The following SLC35F4 variants were observed in gnomAD, a reference collection of about 807,000 sequenced individuals.
SLC35F4 encodes the protein chromosome 14 open reading frame 36.
Under a neutral mutation model 44.2 loss-of-function variants are expected in SLC35F4, and 24 were observed. That is an observed-to-expected ratio of 0.54 (90% CI 0.39 to 0.76). The LOEUF (loss-of-function observed/expected upper bound fraction) is 0.76. SLC35F4 is among the 30% of genes least tolerant of loss of function. SLC35F4 has a pLI of 0.00. For missense variants in SLC35F4, 562 were observed against 586.1 expected, an observed-to-expected ratio of 0.96 and a Z score of 0.42; for synonymous variants, 238 against 223.6, an observed-to-expected ratio of 1.06 and a Z score of -0.57.
intron 1 of SLC35F4, among the ~76,000 whole-genome samples, chr14:57,856,421 G>A (rs893537663): frequency 6.6e-6 from 1 of 152,014 alleles, no homozygotes; most frequent in Non-Finnish European, 1.5e-5. Context: ...CACAAACCAG[G>A]TCTTAGATAG....
At chr14:57,628,138 G>C (rs2072566213) in intron 1 of SLC35F4, among the ~76,000 whole-genome samples, 1 of 151,778 alleles carries the variant, frequency 6.6e-6, no homozygotes, top group Non-Finnish European at 1.5e-5. Context: ...GAAGTCCCCA[G>C]ATGTCCCTGG....
intron 1 of SLC35F4, among the ~76,000 whole-genome samples, chr14:57,755,503 G>C (rs1356160269): frequency 6.6e-6 from 1 of 152,110 alleles, no homozygotes; most frequent in Non-Finnish European, 1.5e-5. Flanking sequence ...GAGGAAGACT[G>C]GGTTGATCAT....
At chr14:57,612,198 C>A (rs1446575691) in intron 1 of SLC35F4, among the ~76,000 whole-genome samples, 1 of 152,060 alleles carries the variant, frequency 6.6e-6, no homozygotes, top group East Asian at 1.9e-4. Context: ...CTGCAGTAAG[C>A]TATGATTGTG....
At chr14:57,922,646 G>A (rs1040672655) in intron 1 of SLC35F4, among the ~76,000 whole-genome samples, 5 of 152,162 alleles carry the variant, frequency 3.3e-5, no homozygotes, top group African/African-American at 4.8e-5. Flanking sequence ...ATAGATGACA[G>A]CACAGTGAAA....
intron 1 of SLC35F4, among the ~76,000 whole-genome samples, chr14:57,925,762 T>TCC (rs1889557753): frequency 6.6e-6 from 1 of 151,886 alleles, no homozygotes; most frequent in Non-Finnish European, 1.5e-5. Context: ...AACACTTACA[T>TCC]CCAAATTTAA....
At chr14:57,668,617 G>A (rs531364855) in intron 1 of SLC35F4, among the ~76,000 whole-genome samples, 1 of 152,078 alleles carries the variant, frequency 6.6e-6, no homozygotes, top group South Asian at 2.1e-4. Context: ...TTTTTGTCAG[G>A]GTTGTCAAAG....
downstream of SLC35F4, among the ~76,000 whole-genome samples, chr14:57,974,637 T>C (rs114376553): frequency 6.2e-3 from 950 of 152,266 alleles, 14 homozygotes; most frequent in African/African-American, 0.022. Context: ...TTACAGGACT[T>C]ATCCTCTGGG....
At chr14:57,962,679 C>T (rs886292668) in intron 1 of SLC35F4, among the ~76,000 whole-genome samples, 2 of 152,160 alleles carry the variant, frequency 1.3e-5, no homozygotes, top group East Asian at 1.9e-4. Flanking sequence ...ATCGCTTGGC[C>T]GTGCTTCTTT....
rs546348655 is a variant in SLC35F4 at position 57,814,633 on chromosome 14, CT to C, written c.103+51089del. Among the ~76,000 whole-genome samples the C allele has an allele frequency of 2.5e-3, 379 of 152,306 alleles. 3 individuals carry two copies. Among genetic ancestry groups the C allele is most frequent in the African/African-American group, 8.4e-3 (351 of 41,564 alleles). On this transcript the variant is annotated intron_variant, in intron 1 of 7. Transcript: ENST00000556826. ...ATGTGATTTGATGAAATAATAGTTG[CT>C]GCCATGACCCAAGAAAGAAAAGTTG...
In SLC35F4 at chr14:57,650,416, A is replaced by C. The variant is rs925372024; in HGVS notation, c.104-56292T>G. Among the ~76,000 whole-genome samples, 8 of 152,248 alleles carry C rather than the reference A, an allele frequency of 5.3e-5. No homozygotes were observed. In the East Asian group the frequency reaches 1.5e-3, roughly 29 times the overall value. On this transcript the variant is annotated intron_variant, in intron 1 of 7. Transcript: ENST00000556826. ...ATCTCAACAAATAGCATCACCATCCAACCAGTTAGTATTCTTCTCCCACAC... is the reference window on the plus strand; with the variant it reads ...ATCTCAACAAATAGCATCACCATCCCACCAGTTAGTATTCTTCTCCCACAC...
At chr14:57,758,965 T>C (rs936589683) in intron 1 of SLC35F4, among the ~76,000 whole-genome samples, 5 of 152,196 alleles carry the variant, frequency 3.3e-5, no homozygotes, top group East Asian at 3.9e-4. Context: ...AAACACCTCA[T>C]ATAAGTGGAA....
intron 1 of SLC35F4, among the ~76,000 whole-genome samples, chr14:57,822,862 C>A (rs1018705640): frequency 1.3e-5 from 2 of 152,098 alleles, no homozygotes; most frequent in African/African-American, 4.8e-5. Flanking sequence ...GGCTGGGGTG[C>A]CATGGGTGCT....
At chr14:57,659,792 G>A (rs143934890) in intron 1 of SLC35F4, among the ~76,000 whole-genome samples, 3 of 152,110 alleles carry the variant, frequency 2.0e-5, no homozygotes, top group African/African-American at 7.2e-5. Flanking sequence ...TAGTGTCTTA[G>A]CTTAATAAAC....
intron 1 of SLC35F4, among the ~76,000 whole-genome samples, chr14:57,673,660 T>A (rs2074593950): frequency 6.6e-6 from 1 of 151,570 alleles, no homozygotes; most frequent in African/African-American, 2.4e-5. Context: ...TGTGGCAGGG[T>A]CAAGAGGGAT....
rs1480265673 is a variant in SLC35F4 at position 57,569,990 on chromosome 14, G to A, written c.934-10C>T. On this transcript the variant is annotated splice_polypyrimidine_tract_variant and intron_variant, in intron 5 of 7. Coordinates refer to ENST00000556826, the MANE Select transcript of SLC35F4 (RefSeq NM_001306087.2). ...ACATTTTAAACAAGACCTGGAATGA[G>A]AAAGAAACTCTACAGCCACACAGAA... 2.5e-6 allele frequency: 4 copies of A among 1,587,082 alleles called. No individual in the cohort carries two copies. Among genetic ancestry groups the A allele is most frequent in the African/African-American group, 1.4e-5 (1 of 73,774 alleles).
chr14:57,891,962 C>A, intron 1 of SLC35F4, among the ~76,000 whole-genome samples: 1 of 152,148 alleles, frequency 6.6e-6, no homozygotes, highest in East Asian at 1.9e-4. Flanking sequence ...AAAAGTTCTA[C>A]AAATTTATTA....
At position 57,865,703 on chromosome 14, in the gene SLC35F4, G is replaced by C. The variant is rs1252027469; in HGVS notation, c.103+20C>G. On this transcript the variant is annotated intron_variant, in intron 1 of 7. Coordinates refer to ENST00000556826, the MANE Select transcript of SLC35F4 (RefSeq NM_001306087.2). ...ACCTCCCTTCCCCGCCTCGCGCAGG[G>C]CAGCCGCGCGGCGTCTTACTTTTCT... 2 of 1,509,338 alleles carry C rather than the reference G, an allele frequency of 1.3e-6. No individual in the cohort carries two copies. The highest frequency in any genetic ancestry group is 2.5e-5 in the South Asian group (2 of 80,928). 93.5% of individuals were successfully genotyped at this position (1,509,338 alleles called of 1,614,324 possible). A position where few individuals can be genotyped will look rare whatever the true frequency, so the allele number is the denominator to read the frequency against.
At position 57,777,774 on chromosome 14, in the gene SLC35F4, C is replaced by CATA. The variant is rs755264303; in HGVS notation, c.103+87946_103+87948dup. Among the ~76,000 whole-genome samples, 140 of 151,544 alleles carry CATA rather than the reference C, an allele frequency of 9.2e-4. 1 individual carries two copies. The East Asian group carries it at 0.023, about 25-fold the overall frequency. ...TACACATGTACCCTGGAACTTAAAG[C>CATA]ATAATAATAATAATAATAAAAGGCA... is the stretch of plus-strand genomic sequence containing the variant. On this transcript the variant is annotated intron_variant, in intron 1 of 7. Transcript: ENST00000556826.
At chr14:57,705,945 A>T (rs984447769) in intron 1 of SLC35F4, among the ~76,000 whole-genome samples, 1 of 152,194 alleles carries the variant, frequency 6.6e-6, no homozygotes, top group Non-Finnish European at 1.5e-5. Flanking sequence ...CAATGTGTTC[A>T]GGGTACATGC....
Sources: allele counts gnomAD v4.1 joint callset (sites outside exome capture counted in the v4.1 genomes callset), GRCh38; gene constraint gnomAD v4.1.1; transcripts MANE v1.5; gene names NCBI Gene and HGNC (gene_info 2026-07-23, HGNC 2026-07-21).